The following SWT1 variants were observed in gnomAD, a reference collection of about 807,000 sequenced individuals.
SWT1 encodes the protein SWT1 RNA endoribonuclease homolog.
Under a neutral mutation model 107.3 loss-of-function variants are expected in SWT1, and 33 were observed. The observed-to-expected ratio is 0.31, with a 90% CI of 0.23 to 0.41. SWT1 has a LOEUF of 0.41. SWT1 is among the 10% of genes least tolerant of loss of function. The pLI, the probability that SWT1 is intolerant of heterozygous loss-of-function variation, is 1.00. For missense variants in SWT1, 898 were observed against 1,028.9 expected, an observed-to-expected ratio of 0.87 and a Z score of 1.74; for synonymous variants, 345 against 348.3, an observed-to-expected ratio of 0.99 and a Z score of 0.11.
At chr1:185,198,183 A>G (rs1657561783) in intron 10 of SWT1, among the ~76,000 whole-genome samples, 2 of 152,038 alleles carry the variant, frequency 1.3e-5, no homozygotes, top group Non-Finnish European at 2.9e-5. Context: ...TTCTGCCTTC[A>G]TTTCGTTATT....
At chr1:185,178,864 CAT>C (rs1362324516) in intron 5 of SWT1, among the ~76,000 whole-genome samples, 1 of 152,124 alleles carries the variant, frequency 6.6e-6, no homozygotes, top group Non-Finnish European at 1.5e-5. Flanking sequence ...GTTGTTATAT[CAT>C]GTGAGGTTTG....
chr1:185,200,431 T>C (rs1007156942), intron 10 of SWT1, among the ~76,000 whole-genome samples: 1 of 152,216 alleles, frequency 6.6e-6, no homozygotes, highest in African/African-American at 2.4e-5. Flanking sequence ...ATAGGGTTTC[T>C]GTGTGGACGC....
At chr1:185,206,416 T>C (rs1334752943) in intron 12 of SWT1, among the ~76,000 whole-genome samples, 1 of 152,212 alleles carries the variant, frequency 6.6e-6, no homozygotes, top group South Asian at 2.1e-4. Context: ...CTGAAACTAT[T>C]AAGATTAATA....
chr1:185,184,645 G>T (rs1167735501), intron 8 of SWT1, 98 bp from the exon 9 acceptor site: 1 of 768,298 alleles, frequency 1.3e-6, no homozygotes, highest in Admixed American at 2.9e-5. Context: ...CTAAAGGTAG[G>T]GACTGTGTGC....
chr1:185,279,778 C>T (rs1177308918), intron 18 of SWT1, among the ~76,000 whole-genome samples: 1 of 150,458 alleles, frequency 6.6e-6, no homozygotes, highest in Non-Finnish European at 1.5e-5. Flanking sequence ...GACACCATTT[C>T]CCTGTGACTC....
At chr1:185,215,115 A>G (rs886515510) in intron 14 of SWT1, among the ~76,000 whole-genome samples, 5 of 152,178 alleles carry the variant, frequency 3.3e-5, no homozygotes, top group African/African-American at 1.2e-4. Context: ...AAACTTATAA[A>G]ATGGTTACAA....
intron 13 of SWT1, among the ~76,000 whole-genome samples, chr1:185,207,782 A>T (rs1024685629): frequency 6.6e-6 from 1 of 151,992 alleles, no homozygotes. Flanking sequence ...ATGCCTGTAG[A>T]CCCAGCTACT....
At chr1:185,279,338 T>G (rs1050602060) in intron 18 of SWT1, among the ~76,000 whole-genome samples, 9 of 152,160 alleles carry the variant, frequency 5.9e-5, no homozygotes, top group African/African-American at 2.2e-4. Context: ...ACTTTTAGAT[T>G]AGTTGGCAGA....
intron 16 of SWT1, chr1:185,262,554 TGTTA>T (rs1663094365): frequency 6.6e-6 from 1 of 152,220 alleles, no homozygotes; most frequent in Non-Finnish European, 1.5e-5. Context: ...GGCAGCTGAA[TGTTA>T]GTTAGCTAGA....
At chr1:185,290,243 C>T (rs931413452) in intron 18 of SWT1, among the ~76,000 whole-genome samples, 10 of 152,060 alleles carry the variant, frequency 6.6e-5, no homozygotes, top group African/African-American at 2.4e-4. Context: ...CACCACTGTA[C>T]TCCAGCCTGG....
intron 2 of SWT1, among the ~76,000 whole-genome samples, chr1:185,163,307 A>G (rs1654308672): frequency 6.6e-6 from 1 of 151,956 alleles, no homozygotes; most frequent in Non-Finnish European, 1.5e-5. Context: ...AACAGTGTGC[A>G]TGGCATCTTC....
At chr1:185,260,541 A>G (rs1410214518) in intron 16 of SWT1, among the ~76,000 whole-genome samples, 2 of 152,086 alleles carry the variant, frequency 1.3e-5, no homozygotes, top group South Asian at 2.1e-4. Context: ...AAAAGTGTCC[A>G]TTAGATTGAA....
intron 16 of SWT1, among the ~76,000 whole-genome samples, chr1:185,235,941 C>T (rs906637605): frequency 2.2e-4 from 33 of 152,204 alleles, no homozygotes; most frequent in African/African-American, 7.5e-4. Flanking sequence ...AACTCCCATT[C>T]ACAATTGCTA....
chr1:185,257,890 G>C (rs1355477229), intron 16 of SWT1: 3 of 151,958 alleles, frequency 2.0e-5, no homozygotes, highest in Non-Finnish European at 2.9e-5. Context: ...TCTTGTTTTT[G>C]TTTTATTATT....
At chr1:185,208,210 T>C (rs1224018248) in intron 13 of SWT1, among the ~76,000 whole-genome samples, 5 of 152,120 alleles carry the variant, frequency 3.3e-5, no homozygotes, top group Non-Finnish European at 1.5e-5. Flanking sequence ...AAAATCTTCA[T>C]AGAAGCTAGG....
At chr1:185,220,380 C>T (rs536769240) in intron 14 of SWT1, among the ~76,000 whole-genome samples, 5 of 151,680 alleles carry the variant, frequency 3.3e-5, no homozygotes, top group Non-Finnish European at 7.4e-5. Flanking sequence ...TCAAAATTAC[C>T]CTTTTCTCTT....
Position 185,257,506 on chromosome 1 carries a change from G to A in SWT1, c.2442-13817G>A, listed in dbSNP as rs187723693. Among the ~76,000 whole-genome samples the A allele has an allele frequency of 4.6e-3, 699 of 152,158 alleles. 4 individuals are homozygous for A. The highest frequency in any genetic ancestry group is 0.016 in the African/African-American group (673 of 41,510). ...TGGTGCGCCGTTTTTTAAGCCGGTC[G>A]GAAAAGCGCAGTATTCGGGTGGGAG... On this transcript the variant is annotated intron_variant, in intron 16 of 18. Transcript: ENST00000367500.
chr1:185,239,072 G>T (rs1385409368), intron 16 of SWT1, among the ~76,000 whole-genome samples: 1 of 152,048 alleles, frequency 6.6e-6, no homozygotes, highest in Non-Finnish European at 1.5e-5. Context: ...CATATATAGT[G>T]TTATATTGGG....
intron 18 of SWT1, 85 bp from the exon 19 acceptor site, chr1:185,290,589 A>G: frequency 1.0e-6 from 1 of 981,952 alleles, no homozygotes; most frequent in Non-Finnish European, 1.4e-6. Flanking sequence ...TTATTTGTCA[A>G]TTAAAATGTA....
Sources: allele counts gnomAD v4.1 joint callset (sites outside exome capture counted in the v4.1 genomes callset), GRCh38; gene constraint gnomAD v4.1.1; transcripts MANE v1.5; gene names NCBI Gene and HGNC (gene_info 2026-07-23, HGNC 2026-07-21).